Variants in LINGO2 observed in about 807,000 individuals in gnomAD.
The protein encoded by LINGO2 is leucine-rich repeat and immunoglobulin-like domain-containing nogo receptor-interacting protein 2.
A neutral mutation model predicts 30.6 loss-of-function variants in LINGO2; 14 were observed. The ratio of observed to expected loss-of-function variants is 0.46; its 90% CI spans 0.30 to 0.72. The LOEUF (loss-of-function observed/expected upper bound fraction) is 0.72. Ranked by LOEUF, LINGO2 falls within the 30% of genes least tolerant of loss-of-function variation. LINGO2 has a pLI of 0.07. For missense variants in LINGO2, 729 were observed against 751.7 expected (o/e 0.97, Z 0.35); for synonymous variants, 317 against 288.5 (o/e 1.10, Z -1.00).
At chr9:28,971,020 G>C in the LINGO2 span, among the ~76,000 whole-genome samples, 3 of 152,142 alleles carry the variant, frequency 2.0e-5, no homozygotes, top group African/African-American at 7.2e-5. Context: ...CAGGAGGACT[G>C]CCTTGCTTCT....
chr9:28,225,502 G>T (rs1027878817), intron 4 of LINGO2, among the ~76,000 whole-genome samples: 1 of 151,976 alleles, frequency 6.6e-6, no homozygotes, highest in African/African-American at 2.4e-5. Context: ...TGTCAATACA[G>T]TCTAAAGGAA....
At chr9:28,840,009 C>G in the LINGO2 span, among the ~76,000 whole-genome samples, 1 of 149,428 alleles carries the variant, frequency 6.7e-6, no homozygotes. Flanking sequence ...CAAGTGCAGG[C>G]ACACCCAACT....
chr9:28,851,670 A>T, the LINGO2 span, among the ~76,000 whole-genome samples: 4 of 152,002 alleles, frequency 2.6e-5, no homozygotes, highest in Non-Finnish European at 5.9e-5. Flanking sequence ...GAGGTAATAC[A>T]GTAGCCATTA....
At chr9:29,104,903 A>G in the LINGO2 span, among the ~76,000 whole-genome samples, 1 of 152,320 alleles carries the variant, frequency 6.6e-6, no homozygotes, top group South Asian at 2.1e-4. Context: ...AGAAATAACA[A>G]GAGGATTATA....
intron 2 of LINGO2, among the ~76,000 whole-genome samples, chr9:28,412,064 A>G (rs1822785116): frequency 6.6e-6 from 1 of 151,850 alleles, no homozygotes; most frequent in Admixed American, 6.6e-5. Flanking sequence ...TTTGTACCCA[A>G]CAAGTAGTTT....
At position 28,029,124 on chromosome 9, in the gene LINGO2, T is replaced by C. The variant is rs117394851; in HGVS notation, c.-86-16719A>G. On this transcript the variant is annotated intron_variant, in intron 4 of 5. Transcript: ENST00000379992. Reference sequence around the variant, plus strand: ...TCTCCCTATGAAGAAATCTGCTCAATTCATTTGTTTTATGGTATTTAAATA... The same window carrying C: ...TCTCCCTATGAAGAAATCTGCTCAACTCATTTGTTTTATGGTATTTAAATA... Among the ~76,000 whole-genome samples, 1,263 of 152,320 alleles carry C rather than the reference T, an allele frequency of 8.3e-3. 6 individuals are homozygous for C. The highest frequency in any genetic ancestry group is 0.014 in the Non-Finnish European group (933 of 68,014).
intron 4 of LINGO2, among the ~76,000 whole-genome samples, chr9:28,269,695 A>G (rs1432302363): frequency 6.6e-6 from 1 of 152,110 alleles, no homozygotes; most frequent in East Asian, 1.9e-4. Context: ...GTATTCCCAC[A>G]TCCACCACAA....
At chr9:27,945,758 G>C (rs1457760742), downstream of LINGO2, among the ~76,000 whole-genome samples, 1 of 152,068 alleles carries the variant, frequency 6.6e-6, no homozygotes, top group Non-Finnish European at 1.5e-5. Context: ...TAAAGCACCA[G>C]CGTTTCACTC....
chr9:28,757,976 G>C, the LINGO2 span, among the ~76,000 whole-genome samples: 1 of 152,022 alleles, frequency 6.6e-6, no homozygotes, highest in Non-Finnish European at 1.5e-5. Flanking sequence ...CACAACAGGT[G>C]GGGTGCTTCC....
At chr9:28,604,573 G>A (rs1825624441) in intron 1 of LINGO2, among the ~76,000 whole-genome samples, 1 of 151,968 alleles carries the variant, frequency 6.6e-6, no homozygotes, top group Non-Finnish European at 1.5e-5. Flanking sequence ...AAAAAGGGTG[G>A]GAAGTATTTT....
At chr9:28,993,226 T>C in the LINGO2 span, among the ~76,000 whole-genome samples, 2 of 151,868 alleles carry the variant, frequency 1.3e-5, no homozygotes, top group African/African-American at 4.8e-5. Flanking sequence ...CATCAGAGAA[T>C]ACTACAAACA....
chr9:29,157,935 A>T, the LINGO2 span, among the ~76,000 whole-genome samples: 3 of 151,186 alleles, frequency 2.0e-5, no homozygotes, highest in South Asian at 2.1e-4. Flanking sequence ...GAATGTGTAT[A>T]AAAAAATATA....
the LINGO2 span, among the ~76,000 whole-genome samples, chr9:28,861,901 T>A: frequency 6.6e-6 from 1 of 152,138 alleles, no homozygotes; most frequent in Non-Finnish European, 1.5e-5. Context: ...TATAGGTACA[T>A]GATTATGAGA....
chr9:28,479,189 T>G (rs1825836918), intron 1 of LINGO2, among the ~76,000 whole-genome samples: 1 of 152,000 alleles, frequency 6.6e-6, no homozygotes. Context: ...AGACAGAATT[T>G]TGGGATGGAA....
chr9:28,145,793 T>C (rs369231624), intron 4 of LINGO2, among the ~76,000 whole-genome samples: 2 of 152,302 alleles, frequency 1.3e-5, no homozygotes, highest in East Asian at 3.9e-4. Flanking sequence ...AGGTCTTCTT[T>C]TTTTCTTTCA....
At chr9:28,405,767 A>T (rs1261520959) in intron 2 of LINGO2, among the ~76,000 whole-genome samples, 2 of 152,112 alleles carry the variant, frequency 1.3e-5, no homozygotes, top group Admixed American at 1.3e-4. Context: ...GGGCATTTTT[A>T]TCTCTTCCTT....
At chr9:29,062,514 G>C in the LINGO2 span, among the ~76,000 whole-genome samples, 1 of 152,034 alleles carries the variant, frequency 6.6e-6, no homozygotes, top group African/African-American at 2.4e-5. Flanking sequence ...CTTTAAAAGG[G>C]AAAGAAATCC....
chr9:28,881,243 C>A, the LINGO2 span, among the ~76,000 whole-genome samples: 1 of 152,060 alleles, frequency 6.6e-6, no homozygotes, highest in South Asian at 2.1e-4. Context: ...CCTGCCTCAG[C>A]CTCCTGAGTA....
chr9:28,695,917 T>G, the LINGO2 span, among the ~76,000 whole-genome samples: 7 of 151,956 alleles, frequency 4.6e-5, no homozygotes, highest in South Asian at 1.4e-3. Flanking sequence ...CTTGATTCAT[T>G]TTAATAAAAA....
Sources: allele counts gnomAD v4.1 joint callset (sites outside exome capture counted in the v4.1 genomes callset), GRCh38; gene constraint gnomAD v4.1.1; transcripts MANE v1.5; gene names NCBI Gene and HGNC (gene_info 2026-07-23, HGNC 2026-07-21).